PDE5A: variants seen among roughly 807,000 people sequenced by gnomAD.
PDE5A encodes the protein phosphodiesterase 5A, also known as cGMP-specific 3',5'-cyclic phosphodiesterase.
A neutral mutation model predicts 110.2 loss-of-function variants in PDE5A; 67 were observed. The ratio of observed to expected loss-of-function variants is 0.61; its 90% confidence interval spans 0.50 to 0.75. The LOEUF is 0.75. Among genes scored for constraint, PDE5A ranks in the 30% least tolerant of loss-of-function variants. PDE5A has a pLI of 0.00. For synonymous variants in PDE5A, 328 were observed against 351.2 expected, an observed-to-expected ratio of 0.93 and a Z score of 0.74; for missense variants, 862 against 1,045.1, an observed-to-expected ratio of 0.82 and a Z score of 2.42.
chr4:119,521,351 C>T (rs528518528), intron 12 of PDE5A, among the ~76,000 whole-genome samples: 1 of 149,934 alleles, frequency 6.7e-6, no homozygotes, highest in South Asian at 2.1e-4. Context: ...GTATTTTTGG[C>T]AGGGTAGGGC....
chr4:119,560,726 C>G (rs1028961375), intron 6 of PDE5A, among the ~76,000 whole-genome samples: 1 of 152,096 alleles, frequency 6.6e-6, no homozygotes, highest in African/African-American at 2.4e-5. Flanking sequence ...GTTGTTAAAT[C>G]CCAGGTAAAG....
rs372083991 is a variant in PDE5A at position 119,496,771 on chromosome 4, T to C, written c.*1830A>G. On this transcript the variant is annotated 3_prime_UTR_variant, in exon 21 of 21. Coordinates refer to ENST00000354960, the MANE Select transcript of PDE5A (RefSeq NM_001083.4). ...TATTTTAGTGATAGTCTGTGTATTT[T>C]ACACACCAGTGCCACAAAGGGGCAA... is the stretch of plus-strand genomic sequence containing the variant. 6.6e-6 allele frequency: 1 copy of C among 152,590 alleles called. No individual in the cohort carries two copies. The highest frequency in any genetic ancestry group is 2.1e-4 in the South Asian group (1 of 4,838). 9.5% of individuals were successfully genotyped at this position (152,590 alleles called of 1,614,324 possible).
intron 4 of PDE5A, among the ~76,000 whole-genome samples, chr4:119,566,097 T>C (rs1727923956): frequency 6.6e-6 from 1 of 151,958 alleles, no homozygotes; most frequent in Non-Finnish European, 1.5e-5. Flanking sequence ...TAATGGATTA[T>C]AGACATAATA....
chr4:119,567,126 C>T lies in PDE5A; in HGVS notation c.850G>A (p.Ala284Thr). 1 of 1,612,952 alleles carries T rather than the reference C, an allele frequency of 6.2e-7. No homozygotes were observed. The highest frequency in any genetic ancestry group is 1.3e-5 in the African/African-American group (1 of 74,980). ...HREEVVGVAQ[A>T]INKKSGNGGT... Reference sequence around the variant, plus strand: ...CCGTTTCCTGATTTCTTGTTGATGGCCTGGGCTACACCAACAACCTGGTAT... The same window carrying T: ...CCGTTTCCTGATTTCTTGTTGATGGTCTGGGCTACACCAACAACCTGGTAT... The change falls in exon 4 of 21, where the codon GCC (alanine) becomes ACC (threonine). Residue 284 changes from alanine to threonine, a missense_variant. Ala to Thr is a moderately conservative substitution (Grantham distance 58, BLOSUM62 0). Transcript: ENST00000354960.
intron 15 of PDE5A, among the ~76,000 whole-genome samples, chr4:119,508,532 G>A (rs1229631684): frequency 6.6e-6 from 1 of 151,962 alleles, no homozygotes; most frequent in Non-Finnish European, 1.5e-5. Context: ...GATTTGTTAT[G>A]AAGACAGGAG....
At chr4:119,562,749 AC>A in intron 6 of PDE5A, 83 bp downstream of exon 6, 1 of 1,218,540 alleles carries the variant, frequency 8.2e-7, no homozygotes, top group Non-Finnish European at 1.1e-6. Context: ...GGGTTCTAAG[AC>A]CAAAATGAGG....
At chr4:119,528,138 C>T (rs112338572) in intron 11 of PDE5A, among the ~76,000 whole-genome samples, 2 of 152,058 alleles carry the variant, frequency 1.3e-5, no homozygotes, top group African/African-American at 4.8e-5. Context: ...CTTCTGAGTT[C>T]TTCAATTGTA....
At chr4:119,613,453 A>G (rs1729826800) in intron 1 of PDE5A, among the ~76,000 whole-genome samples, 1 of 152,144 alleles carries the variant, frequency 6.6e-6, no homozygotes, top group Non-Finnish European at 1.5e-5. Flanking sequence ...CAGAATAATG[A>G]GCAACTCCAG....
At position 119,565,393 on chromosome 4, in the gene PDE5A, C is replaced by A; in HGVS notation, c.921G>T (p.Leu307Phe). 1 of 1,610,894 alleles carries A rather than the reference C, an allele frequency of 6.2e-7. No homozygotes were observed. ...TATGAAGAACAATACCACAAAATGC[C>A]AAATAAGCAGCAAAGTCCTAAAAAA... The part of the protein sequence containing the change: ...EKDEKDFAAY[L>F]AFCGIVLHNA... Residue 307 changes from leucine to phenylalanine, a missense_variant, in exon 5 of 21, where the codon TTG (leucine) becomes TTT (phenylalanine). By Grantham distance (22) the Leu-to-Phe change is conservative (BLOSUM62 0). Transcript: ENST00000354960.
chr4:119,501,562 G>A (rs1725335531), intron 19 of PDE5A, among the ~76,000 whole-genome samples: 1 of 152,188 alleles, frequency 6.6e-6, no homozygotes, highest in Non-Finnish European at 1.5e-5. Context: ...GCCTCCCAAA[G>A]TGCTGGCATC....
At chr4:119,578,653 G>T (rs1331566285) in intron 3 of PDE5A, among the ~76,000 whole-genome samples, 4 of 152,292 alleles carry the variant, frequency 2.6e-5, no homozygotes, top group African/African-American at 9.6e-5. Flanking sequence ...AGCTGAAACT[G>T]GATCCCTTCC....
rs1230292191 is a variant in PDE5A, at chr4:119,495,146, G to A, written c.*3455C>T. The A allele has an allele frequency of 6.6e-6, 1 of 152,102 alleles. No individual in the cohort carries two copies. The highest frequency in any genetic ancestry group is 1.5e-5 in the Non-Finnish European group (1 of 68,008). The allele number at this position is 152,102 out of a possible 1,614,324, so 9.4% of individuals were successfully genotyped here. A position where few individuals can be genotyped will look rare whatever the true frequency, so the allele number is the denominator to read the frequency against. Reference sequence around the variant, plus strand: ...GGTAAAGAAGGTGCATAAAACATATGTTATTGATGAAAATGGAAATGATGC... The same window carrying A: ...GGTAAAGAAGGTGCATAAAACATATATTATTGATGAAAATGGAAATGATGC... On this transcript the variant is annotated 3_prime_UTR_variant, in exon 21 of 21. Transcript: ENST00000354960.
At chr4:119,510,728 C>A (rs1159757061) in intron 15 of PDE5A, among the ~76,000 whole-genome samples, 1 of 152,012 alleles carries the variant, frequency 6.6e-6, no homozygotes, top group African/African-American at 2.4e-5. Context: ...GCTATAGAAA[C>A]CACTTCATTC....
intron 9 of PDE5A, chr4:119,550,014 A>C (rs1367919904): frequency 1.3e-5 from 2 of 152,180 alleles, no homozygotes; most frequent in Non-Finnish European, 2.9e-5. Context: ...ATAATAGTGG[A>C]ATCTGGTCTA....
At chr4:119,574,663 G>A (rs1417383593) in intron 3 of PDE5A, among the ~76,000 whole-genome samples, 2 of 152,074 alleles carry the variant, frequency 1.3e-5, no homozygotes, top group Non-Finnish European at 2.9e-5. Flanking sequence ...ACAATCCAAA[G>A]TGGCTGCTAA....
intron 1 of PDE5A, among the ~76,000 whole-genome samples, chr4:119,624,410 A>G (rs1234346400): frequency 6.6e-6 from 1 of 152,090 alleles, no homozygotes; most frequent in African/African-American, 2.4e-5. Context: ...AATTACAAGG[A>G]AAAAAAATGA....
At chr4:119,617,803 G>C (rs1357966716) in intron 1 of PDE5A, among the ~76,000 whole-genome samples, 1 of 152,084 alleles carries the variant, frequency 6.6e-6, no homozygotes, top group Non-Finnish European at 1.5e-5. Context: ...ATGCTAAAAA[G>C]ATAATTATAA....
chr4:119,547,453 TG>T (rs1560610348), intron 9 of PDE5A, among the ~76,000 whole-genome samples: 1 of 151,962 alleles, frequency 6.6e-6, no homozygotes, highest in Admixed American at 6.5e-5. Context: ...TTTCTTCTCA[TG>T]TATATACTTA....
At chr4:119,545,107 G>T (rs1727086226) in intron 9 of PDE5A, among the ~76,000 whole-genome samples, 1 of 152,088 alleles carries the variant, frequency 6.6e-6, no homozygotes, top group African/African-American at 2.4e-5. Flanking sequence ...AAAGTGAAAT[G>T]AGCAGCCATA....
Sources: allele counts gnomAD v4.1 joint callset (sites outside exome capture counted in the v4.1 genomes callset), GRCh38; gene constraint gnomAD v4.1.1; transcripts MANE v1.5; gene names NCBI Gene and HGNC (gene_info 2026-07-23, HGNC 2026-07-21).